RASA2: variants seen among roughly 807,000 people sequenced by gnomAD.
RASA2 encodes the protein RAS p21 protein activator 2.
In RASA2, 155 loss-of-function variants were observed where a neutral mutation model predicts 118.2. The ratio of observed to expected loss-of-function variants is 1.31; its 90% CI spans 1.15 to 1.50. The LOEUF is 1.50. RASA2 is among the 40% of genes most tolerant of loss of function. The probability of loss-of-function intolerance (pLI) is 0.00; values close to 1 mark genes in which losing one functional copy is unlikely to be tolerated. For synonymous variants in RASA2, 353 were observed against 349.1 expected (o/e 1.01, Z -0.12); for missense variants, 1,016 against 1,009.6 (o/e 1.01, Z -0.09).
chr3:141,589,942 C>T (rs969339702), intron 19 of RASA2, among the ~76,000 whole-genome samples: 2 of 152,074 alleles, frequency 1.3e-5, no homozygotes, highest in Admixed American at 1.3e-4. Context: ...AAAACAGACG[C>T]ATTAGAAGCT....
chr3:141,586,181 G>A (rs538502451), intron 18 of RASA2, 83 bp downstream of exon 18: 1 of 1,297,116 alleles, frequency 7.7e-7, no homozygotes, highest in Non-Finnish European at 1.1e-6. Context: ...TAAGAGTGAG[G>A]AGATCTGGCT....
chr3:141,521,177 G>C (rs2082106624), intron 3 of RASA2, among the ~76,000 whole-genome samples: 1 of 152,196 alleles, frequency 6.6e-6, no homozygotes, highest in African/African-American at 2.4e-5. Flanking sequence ...TAGAGATGTA[G>C]ATTTGAGAGT....
At chr3:141,513,178 A>G (rs2151081629) in intron 2 of RASA2, among the ~76,000 whole-genome samples, 1 of 149,846 alleles carries the variant, frequency 6.7e-6, no homozygotes, top group South Asian at 2.1e-4. Flanking sequence ...ATTTTAGGTC[A>G]GTTGTATTTT....
Position 141,512,787 on chromosome 3 carries a change from G to A in RASA2, c.251+507G>A, listed in dbSNP as rs902506535. 9.9e-5 allele frequency among the ~76,000 whole-genome samples: 15 copies of A among 152,200 alleles called. No homozygotes were observed. The South Asian group carries it at 1.0e-3, about 10-fold the overall frequency. On this transcript the variant is annotated intron_variant, in intron 2 of 23. Coordinates refer to ENST00000286364, the MANE Select transcript of RASA2 (RefSeq NM_006506.5). ...ACAAAAGTCAAAATAAGGAGGCCGG[G>A]CGTGGTGGCTCACGCTTGTAATCCC...
At chr3:141,608,212 A>G (rs922731790) in intron 20 of RASA2, among the ~76,000 whole-genome samples, 9 of 152,056 alleles carry the variant, frequency 5.9e-5, no homozygotes, top group African/African-American at 2.2e-4. Flanking sequence ...TTTTTCTTCC[A>G]TTAACAATTC....
At chr3:141,529,447 T>G (rs980836159) in intron 3 of RASA2, among the ~76,000 whole-genome samples, 4 of 152,064 alleles carry the variant, frequency 2.6e-5, no homozygotes, top group African/African-American at 9.7e-5. Context: ...AAAATGCAGT[T>G]GCCTGTAATA....
At chr3:141,588,228 A>G (rs899160079) in intron 19 of RASA2, among the ~76,000 whole-genome samples, 11 of 152,238 alleles carry the variant, frequency 7.2e-5, no homozygotes, top group African/African-American at 2.7e-4. Flanking sequence ...TTTTCAAAGC[A>G]TTTACCTGAT....
chr3:141,603,382 C>T lies in RASA2; in HGVS notation c.1934-4296C>T, dbSNP rs151188905. Among the ~76,000 whole-genome samples, 753 of 151,952 alleles carry T rather than the reference C, an allele frequency of 5.0e-3. 8 individuals are homozygous for T. The highest frequency in any genetic ancestry group is 0.017 in the African/African-American group (719 of 41,434). On this transcript the variant is annotated intron_variant, in intron 19 of 23. Coordinates refer to ENST00000286364, the MANE Select transcript of RASA2 (RefSeq NM_006506.5). ...GGTCAGGAGTTCGAGACCAGCCTGG[C>T]CAACATGGTGAAACTCCATCTCTAC...
intron 4 of RASA2, among the ~76,000 whole-genome samples, chr3:141,531,425 T>C (rs2082257628): frequency 6.6e-6 from 1 of 151,720 alleles, no homozygotes; most frequent in African/African-American, 2.4e-5. Flanking sequence ...TATATGTGTG[T>C]GTATATATAT....
At chr3:141,587,427 G>T (rs967479750) in intron 19 of RASA2, among the ~76,000 whole-genome samples, 3 of 152,110 alleles carry the variant, frequency 2.0e-5, no homozygotes, top group African/African-American at 7.2e-5. Flanking sequence ...ATTTTCCACA[G>T]AAGGCCAGGT....
At chr3:141,549,141 A>G in intron 5 of RASA2, among the ~76,000 whole-genome samples, 1 of 152,192 alleles carries the variant, frequency 6.6e-6, no homozygotes, top group East Asian at 1.9e-4. Context: ...CCTAATTTGC[A>G]TCCATAATTT....
intron 23 of RASA2, among the ~76,000 whole-genome samples, chr3:141,610,911 T>C (rs2083641608): frequency 6.6e-6 from 1 of 152,124 alleles, no homozygotes; most frequent in Non-Finnish European, 1.5e-5. Context: ...TTCACAAAAC[T>C]CACCCCCAAA....
At position 141,573,220 on chromosome 3, in the gene RASA2, A is replaced by C; in HGVS notation, c.1358A>C (p.Lys453Thr). 6.5e-7 allele frequency: 1 copy of C among 1,540,686 alleles called. No individual in the cohort carries two copies. The highest frequency in any genetic ancestry group is 1.3e-5 in the South Asian group (1 of 79,940). Residue 453 changes from lysine to threonine, a missense_variant and splice_region_variant, in exon 13 of 24, where the codon AAG (lysine) becomes ACG (threonine). By Grantham distance (78) the Lys-to-Thr change is moderately conservative. Around this residue, in one of 2 missense-constraint regions of RASA2, gnomAD observed 896 missense variants for 836.4 expected, o/e 1.07. Transcript: ENST00000286364. ...LKEGDNVENN[K>T]ENLRYYVDKL... is the part of the protein sequence containing the mutation. The stretch of plus-strand genomic sequence containing the variant: ...GAGGGAGATAATGTAGAAAATAATA[A>C]GGTAAGTCCTTGTTATATTATTTAT...
At chr3:141,501,582 G>A (rs752142485) in intron 1 of RASA2, among the ~76,000 whole-genome samples, 10 of 152,200 alleles carry the variant, frequency 6.6e-5, no homozygotes, top group Non-Finnish European at 1.5e-4. Flanking sequence ...TTGAAACGCA[G>A]ATGTCTGCCT....
At chr3:141,542,661 T>A (rs1167153063) in intron 5 of RASA2, among the ~76,000 whole-genome samples, 1 of 152,164 alleles carries the variant, frequency 6.6e-6, no homozygotes, top group Non-Finnish European at 1.5e-5. Flanking sequence ...ATTGGCATAA[T>A]GTATGTATAT....
intron 4 of RASA2, among the ~76,000 whole-genome samples, chr3:141,536,167 T>C (rs1019539028): frequency 4.6e-5 from 7 of 152,210 alleles, no homozygotes; most frequent in Non-Finnish European, 8.8e-5. Context: ...GAGGTTTAAT[T>C]GGACTTATAG....
Position 141,540,591 on chromosome 3 carries a change from G to A in RASA2, c.509G>A (p.Cys170Tyr), listed in dbSNP as rs2082391661. The change falls in exon 5 of 24, where the codon TGC (cysteine) becomes TAC (tyrosine). Residue 170 changes from cysteine (C) to tyrosine (Y), a missense_variant. Cys to Tyr is a radical substitution (Grantham distance 194, BLOSUM62 -2). Coordinates refer to ENST00000286364, the MANE Select transcript of RASA2 (RefSeq NM_006506.5). ...CTGATAACGGAGAATGGAACTGTAT[G>A]CCAGCAGCTTGTTGTACAGTAAGCA... ...NELITENGTV[C>Y]QQLVVHIKAC... is the part of the protein sequence containing the mutation. The A allele has an allele frequency of 6.2e-7, 1 of 1,612,080 alleles. No individual in the cohort carries two copies. The highest frequency in any genetic ancestry group is 1.3e-5 in the African/African-American group (1 of 74,828).
chr3:141,554,654 C>G (rs1335018465), intron 6 of RASA2, among the ~76,000 whole-genome samples: 1 of 152,100 alleles, frequency 6.6e-6, no homozygotes, highest in Non-Finnish European at 1.5e-5. Flanking sequence ...ACATACACAC[C>G]CCTTTTCCCC....
chr3:141,600,710 A>ATTT, intron 19 of RASA2: 1 of 153,642 alleles, frequency 6.5e-6, no homozygotes, highest in East Asian at 1.9e-4. Flanking sequence ...TTAGATAAGT[A>ATTT]TTTTTTAAGA....
Sources: allele counts gnomAD v4.1 joint callset (sites outside exome capture counted in the v4.1 genomes callset), GRCh38; gene constraint gnomAD v4.1.1; regional missense constraint gnomAD v4.1.1; transcripts MANE v1.5; gene names NCBI Gene and HGNC (gene_info 2026-07-23, HGNC 2026-07-21).